CSMD1: variants seen among roughly 807,000 people sequenced by gnomAD.
CSMD1 encodes the protein CUB and sushi domain-containing protein 1.
Under a neutral mutation model 417.5 loss-of-function variants are expected in CSMD1, and 213 were observed. The observed-to-expected ratio is 0.51, with a 90% CI of 0.46 to 0.57. The LOEUF (loss-of-function observed/expected upper bound fraction) is 0.57, where lower values mean the gene tolerates loss of function less well. Ranked by LOEUF, CSMD1 falls within the 20% of genes least tolerant of loss-of-function variation. CSMD1 has a pLI of 0.00. For synonymous variants in CSMD1, 2,862 were observed against 1,736.8 expected, an observed-to-expected ratio of 1.65 and a Z score of -16.11; for missense variants, 6,923 against 4,529.7, an observed-to-expected ratio of 1.53 and a Z score of -15.17.
intron 11 of CSMD1, among the ~76,000 whole-genome samples, chr8:3,479,465 A>G (rs1226454151): frequency 1.3e-5 from 2 of 152,116 alleles, no homozygotes; most frequent in Non-Finnish European, 1.5e-5. Context: ...CTTTTAGTAC[A>G]TATGGGGTTT....
chr8:4,722,548 T>C (rs1809126895), intron 1 of CSMD1, among the ~76,000 whole-genome samples: 1 of 152,126 alleles, frequency 6.6e-6, no homozygotes, highest in South Asian at 2.1e-4. Flanking sequence ...GGGGTAGAAC[T>C]TTCCAAATGC....
At chr8:2,990,187 T>G (rs1431853875) in intron 54 of CSMD1, among the ~76,000 whole-genome samples, 1 of 152,206 alleles carries the variant, frequency 6.6e-6, no homozygotes, top group African/African-American at 2.4e-5. Context: ...TGTTGAATCT[T>G]TCCTTAAGTC....
intron 1 of CSMD1, among the ~76,000 whole-genome samples, chr8:4,911,333 C>G (rs1438418959): frequency 2.0e-5 from 3 of 152,162 alleles, no homozygotes; most frequent in African/African-American, 7.2e-5. Flanking sequence ...AACCAATATG[C>G]AGATGAAAGA....
At chr8:4,651,372 G>T (rs981215169) in intron 1 of CSMD1, among the ~76,000 whole-genome samples, 2 of 152,132 alleles carry the variant, frequency 1.3e-5, no homozygotes, top group Non-Finnish European at 2.9e-5. Context: ...ATCAGCTCAA[G>T]CAGTGCATTC....
At chr8:4,077,703 C>G (rs1221551837) in intron 3 of CSMD1, among the ~76,000 whole-genome samples, 1 of 152,112 alleles carries the variant, frequency 6.6e-6, no homozygotes, top group Admixed American at 6.6e-5. Context: ...GAGTTTAATT[C>G]TTGTTTCTTA....
In CSMD1 at chr8:4,295,938, G is replaced by A. The variant is rs755112952; in HGVS notation, c.415+124015C>T. 4.0e-5 allele frequency among the ~76,000 whole-genome samples: 6 copies of A among 151,228 alleles called. 1 individual carries two copies. In the Admixed American group the frequency reaches 4.0e-4, roughly 10 times the overall value. On this transcript the variant is annotated intron_variant, in intron 3 of 69. Transcript: ENST00000635120. ...TACTCCCATCTCAGGAACACAGCAT[G>A]TCCCAGACTCACTCTGTAGAACATT...
intron 5 of CSMD1, among the ~76,000 whole-genome samples, chr8:3,869,254 C>G (rs928124492): frequency 6.6e-6 from 1 of 152,182 alleles, no homozygotes; most frequent in Non-Finnish European, 1.5e-5. Context: ...TGCCTTCACT[C>G]AAGGGTCTCT....
At chr8:2,974,160 C>T (rs950030312) in intron 56 of CSMD1, among the ~76,000 whole-genome samples, 4 of 152,040 alleles carry the variant, frequency 2.6e-5, no homozygotes, top group South Asian at 2.1e-4. Context: ...GAATAAAGAG[C>T]GAACAGGGAC....
intron 20 of CSMD1, among the ~76,000 whole-genome samples, chr8:3,362,058 T>C (rs1809220801): frequency 6.6e-6 from 1 of 151,728 alleles, no homozygotes. Flanking sequence ...GTTCTTGGAG[T>C]TTATCCTTTT....
At chr8:3,247,789 A>G (rs953221787) in intron 26 of CSMD1, among the ~76,000 whole-genome samples, 2 of 152,240 alleles carry the variant, frequency 1.3e-5, no homozygotes, top group Non-Finnish European at 2.9e-5. Context: ...CAAATTACAC[A>G]TAGATTCACT....
rs1796149423 is a variant in CSMD1 at position 3,187,776 on chromosome 8, AT to A, written c.5620+92del. The A allele has an allele frequency of 4.4e-6, 4 of 906,818 alleles. No homozygotes were observed. In the South Asian group the frequency reaches 5.9e-5, roughly 13 times the overall value. The allele number at this position is 906,818 out of a possible 1,614,324, so 56.2% of individuals were successfully genotyped here. A position where few individuals can be genotyped will look rare whatever the true frequency, so the allele number is the denominator to read the frequency against. ...GGAGATAGAAGAATTGTGTAGGAAA[AT>A]TTCTATGTGGAGTGTTTGCTGTTAT... On this transcript the variant is annotated intron_variant, in intron 36 of 69. Coordinates refer to ENST00000635120, the MANE Select transcript of CSMD1 (RefSeq NM_033225.6).
chr8:4,308,171 A>G (rs1183053026), intron 3 of CSMD1, among the ~76,000 whole-genome samples: 5 of 152,208 alleles, frequency 3.3e-5, no homozygotes, highest in African/African-American at 9.6e-5. Flanking sequence ...AATGTTCCTC[A>G]ATATCTCTGT....
chr8:4,445,407 C>T (rs921465857), intron 2 of CSMD1, among the ~76,000 whole-genome samples: 1 of 152,114 alleles, frequency 6.6e-6, no homozygotes, highest in East Asian at 1.9e-4. Flanking sequence ...TTGGATTATT[C>T]TAATACTATT....
chr8:3,106,588 T>A lies in CSMD1; in HGVS notation c.6889A>T (p.Ile2297Phe), dbSNP rs770561824. Residue 2297 changes from isoleucine to phenylalanine, a missense_variant, in exon 46 of 70, where the codon ATT (isoleucine) becomes TTT (phenylalanine). Physicochemically the swap from Ile to Phe is conservative, Grantham distance 21. Transcript: ENST00000635120. ...HPGYTLVGTD[I>F]LTCKLSSQLQ... Reference sequence around the variant, plus strand: ...TGGGAACTGAGCTTGCAAGTCAGAATGTCGGTCCCCACCAAGGTGTACCCG... The same window carrying A: ...TGGGAACTGAGCTTGCAAGTCAGAAAGTCGGTCCCCACCAAGGTGTACCCG... 1 of 1,613,886 alleles carries A rather than the reference T, an allele frequency of 6.2e-7. No individual in the cohort carries two copies. Among genetic ancestry groups the A allele is most frequent in the Non-Finnish European group, 8.5e-7 (1 of 1,179,826 alleles).
At position 2,948,718 on chromosome 8, in the gene CSMD1, C is replaced by G. The variant is rs117266898; in HGVS notation, c.10402+581G>C. ...GCCTGAATATGCAGAAAACAATTTA[C>G]ACATTTGCCTGATTAAAAATTCTAG... On this transcript the variant is annotated intron_variant, in intron 68 of 69. Transcript: ENST00000635120. Among the ~76,000 whole-genome samples the G allele has an allele frequency of 9.2e-3, 1,404 of 152,188 alleles. 12 individuals carry two copies. Among genetic ancestry groups the G allele is most frequent in the Middle Eastern group, 0.017 (5 of 294 alleles).
chr8:2,988,643 C>G (rs1031650509), intron 54 of CSMD1, among the ~76,000 whole-genome samples: 2 of 152,158 alleles, frequency 1.3e-5, no homozygotes, highest in Admixed American at 6.5e-5. Flanking sequence ...ACATCTTCAA[C>G]TGTATAAATT....
chr8:3,000,438 C>A (rs996348131), intron 52 of CSMD1, among the ~76,000 whole-genome samples: 1 of 151,722 alleles, frequency 6.6e-6, no homozygotes, highest in African/African-American at 2.4e-5. Context: ...CCTTGTTATA[C>A]TATTTTCAAA....
intron 4 of CSMD1, among the ~76,000 whole-genome samples, chr8:4,014,879 A>G (rs1796446619): frequency 6.6e-6 from 1 of 152,174 alleles, no homozygotes; most frequent in Non-Finnish European, 1.5e-5. Context: ...TAACCCACAA[A>G]GCTGAAAATA....
At chr8:3,204,822 T>C (rs1180850356) in intron 31 of CSMD1, among the ~76,000 whole-genome samples, 4 of 152,236 alleles carry the variant, frequency 2.6e-5, no homozygotes, top group African/African-American at 9.6e-5. Context: ...TTTAAGATGA[T>C]GACAGCTACT....
Sources: allele counts gnomAD v4.1 joint callset (sites outside exome capture counted in the v4.1 genomes callset), GRCh38; gene constraint gnomAD v4.1.1; transcripts MANE v1.5; gene names NCBI Gene and HGNC (gene_info 2026-07-23, HGNC 2026-07-21).